Variants in SLC20A2 observed in about 807,000 individuals in gnomAD.
The protein encoded by SLC20A2 is solute carrier family 20 member 2, also known as sodium-dependent phosphate transporter 2.
A neutral mutation model predicts 61.0 loss-of-function variants in SLC20A2; 30 were observed. The ratio of observed to expected loss-of-function variants is 0.49; its 90% confidence interval spans 0.37 to 0.67. The LOEUF is 0.67. SLC20A2 is among the 30% of genes least tolerant of loss of function. The pLI is 0.00. For missense variants in SLC20A2, 626 were observed against 866.4 expected, an observed-to-expected ratio of 0.72 and a Z score of 3.48; for synonymous variants, 351 against 353.3, an observed-to-expected ratio of 0.99 and a Z score of 0.07.
intron 2 of SLC20A2, among the ~76,000 whole-genome samples, chr8:42,469,545 G>C (rs1271911267): frequency 6.6e-6 from 1 of 152,146 alleles, no homozygotes; most frequent in East Asian, 1.9e-4. Context: ...GTCACACGGA[G>C]GTCTTCAGCG....
intron 5 of SLC20A2, 86 bp from the exon 6 acceptor site, chr8:42,444,848 T>A: frequency 1.2e-6 from 1 of 856,874 alleles, no homozygotes; most frequent in Non-Finnish European, 1.9e-6. Context: ...ACTCCCCAAA[T>A]CGAGAACGAA....
chr8:42,492,145 A>G (rs1431998492), intron 1 of SLC20A2, among the ~76,000 whole-genome samples: 1 of 152,196 alleles, frequency 6.6e-6, no homozygotes, highest in Non-Finnish European at 1.5e-5. Flanking sequence ...TCACGAGGTC[A>G]GGAGTTCGAG....
At position 42,481,919 on chromosome 8, in the gene SLC20A2, TTC is replaced by T. The variant is rs1563508828; in HGVS notation, c.-264-9267_-264-9266del. Among the ~76,000 whole-genome samples, 8 of 152,196 alleles carry T rather than the reference TTC, an allele frequency of 5.3e-5. 1 individual carries two copies. Among genetic ancestry groups the T allele is most frequent in the Admixed American group, 4.6e-4 (7 of 15,280 alleles). On this transcript the variant is annotated intron_variant, in intron 1 of 10. Coordinates refer to ENST00000520262, the MANE Select transcript of SLC20A2 (RefSeq NM_001257180.2). ...ATTCTTCTCATTTCCACAGGGAAGT[TTC>T]TTCCCAGCCGTAAAGCTTCTGTGAT... is the stretch of plus-strand genomic sequence containing the variant.
intron 10 of SLC20A2, among the ~76,000 whole-genome samples, chr8:42,422,835 C>T (rs1266713104): frequency 6.6e-6 from 1 of 152,096 alleles, no homozygotes; most frequent in African/African-American, 2.4e-5. Flanking sequence ...ATAATGGAAA[C>T]AGTTCTCTTC....
chr8:42,420,941 T>A (rs1386231069), intron 10 of SLC20A2, among the ~76,000 whole-genome samples: 1 of 152,238 alleles, frequency 6.6e-6, no homozygotes, highest in Non-Finnish European at 1.5e-5. Flanking sequence ...GGCTAGTTCC[T>A]CCTTTCAGTT....
intron 10 of SLC20A2, among the ~76,000 whole-genome samples, chr8:42,425,918 C>T (rs1421976192): frequency 6.6e-6 from 1 of 152,096 alleles, no homozygotes; most frequent in Non-Finnish European, 1.5e-5. Flanking sequence ...CACCTGTAGT[C>T]CCAGCTACTC....
intron 1 of SLC20A2, among the ~76,000 whole-genome samples, chr8:42,489,793 C>T (rs1809377849): frequency 6.6e-6 from 1 of 152,190 alleles, no homozygotes; most frequent in Non-Finnish European, 1.5e-5. Flanking sequence ...TTGACCATGG[C>T]TGTGTGTGGC....
intron 2 of SLC20A2, among the ~76,000 whole-genome samples, chr8:42,470,174 A>G (rs189279267): frequency 2.0e-4 from 31 of 152,188 alleles, no homozygotes; most frequent in Admixed American, 1.8e-3. Context: ...GTAAAATTCA[A>G]TAATGACTAT....
intron 1 of SLC20A2, among the ~76,000 whole-genome samples, chr8:42,498,842 G>GC (rs1367698082): frequency 6.6e-6 from 1 of 152,108 alleles, no homozygotes; most frequent in Non-Finnish European, 1.5e-5. Context: ...GTTACATAGC[G>GC]CAGTTCCCAT....
chr8:42,430,465 C>T (rs945185059), intron 8 of SLC20A2, among the ~76,000 whole-genome samples: 5 of 152,042 alleles, frequency 3.3e-5, no homozygotes, highest in South Asian at 4.2e-4. Context: ...CCGGTTCAAG[C>T]GATTCTCCTG....
chr8:42,459,395 A>G (rs1806525507), intron 5 of SLC20A2, among the ~76,000 whole-genome samples: 1 of 152,108 alleles, frequency 6.6e-6, no homozygotes, highest in East Asian at 1.9e-4. Context: ...TGATATTTCC[A>G]GGGGTCTGTA....
chr8:42,507,027 G>A (rs562905032), intron 1 of SLC20A2, among the ~76,000 whole-genome samples: 15 of 152,286 alleles, frequency 9.8e-5, no homozygotes, highest in South Asian at 8.3e-4. Flanking sequence ...TGGTCAGCCC[G>A]CTGAGCACCT....
intron 8 of SLC20A2, among the ~76,000 whole-genome samples, chr8:42,434,778 C>T (rs1052476308): frequency 3.9e-5 from 6 of 152,182 alleles, no homozygotes; most frequent in East Asian, 1.9e-4. Context: ...ATAGTCCCCA[C>T]GCTGCAAGCA....
chr8:42,516,679 A>G (rs548271771), intron 1 of SLC20A2, among the ~76,000 whole-genome samples: 67 of 152,242 alleles, frequency 4.4e-4, no homozygotes, highest in African/African-American at 7.2e-4. Flanking sequence ...CTTTTATACC[A>G]TCCTTCAGAT....
chr8:42,518,219 C>A (rs943296215), intron 1 of SLC20A2, among the ~76,000 whole-genome samples: 13 of 152,176 alleles, frequency 8.5e-5, no homozygotes, highest in Non-Finnish European at 5.9e-5. Flanking sequence ...GGATTACAGG[C>A]ATGAGCCACC....
chr8:42,520,259 C>T (rs1452846573), intron 1 of SLC20A2, among the ~76,000 whole-genome samples: 1 of 151,268 alleles, frequency 6.6e-6, no homozygotes, highest in Non-Finnish European at 1.5e-5. Context: ...AGTGATCCGC[C>T]CGCCTCAGCC....
chr8:42,465,709 C>A, intron 3 of SLC20A2, 68 bp downstream of exon 3: 28 of 1,347,386 alleles, frequency 2.1e-5, no homozygotes, highest in African/African-American at 3.0e-5. Context: ...AAAAAAGTAA[C>A]TTGTAATAAA....
chr8:42,489,988 T>C (rs1230288540), intron 1 of SLC20A2, among the ~76,000 whole-genome samples: 1 of 152,348 alleles, frequency 6.6e-6, no homozygotes, highest in Admixed American at 6.5e-5. Context: ...AATTTTACCA[T>C]GTGCAAATAA....
At position 42,438,271 on chromosome 8, in the gene SLC20A2, A is replaced by T. The variant is rs187793458; in HGVS notation, c.935-694T>A. On this transcript the variant is annotated intron_variant, in intron 7 of 10. Coordinates refer to ENST00000520262, the MANE Select transcript of SLC20A2 (RefSeq NM_001257180.2). ...ATCTTAGAGAAACTTCATACATGAGACAAAACCCACTTCGTGTGAGGTAGA... is the reference window on the plus strand; with the variant it reads ...ATCTTAGAGAAACTTCATACATGAGTCAAAACCCACTTCGTGTGAGGTAGA... Among the ~76,000 whole-genome samples, 8 of 152,234 alleles carry T rather than the reference A, an allele frequency of 5.3e-5. No individual in the cohort carries two copies. The East Asian group carries it at 1.5e-3, about 29-fold the overall frequency.
Sources: gnomAD v4.1 joint callset for allele counts (sites outside exome capture counted in the v4.1 genomes callset) on GRCh38, gnomAD v4.1.1 for gene constraint, MANE v1.5 for transcripts, NCBI Gene and HGNC (gene_info 2026-07-23, HGNC 2026-07-21) for gene names.